The following SPAG6 variants were observed in gnomAD, a reference collection of about 807,000 sequenced individuals.
SPAG6 encodes sperm associated antigen 6, also known as sperm-associated antigen 6.
In SPAG6, 49 loss-of-function variants were observed where a neutral mutation model predicts 58.5. The ratio of observed to expected loss-of-function variants is 0.84; its 90% CI spans 0.67 to 1.06. SPAG6 has a LOEUF of 1.06. Ranked by LOEUF, SPAG6 falls within the 50% of genes least tolerant of loss-of-function variation. The pLI is 0.00. For missense variants in SPAG6, 560 were observed against 611.3 expected, an observed-to-expected ratio of 0.92 and a Z score of 0.89; for synonymous variants, 233 against 225.6, an observed-to-expected ratio of 1.03 and a Z score of -0.29.
intron 4 of SPAG6, among the ~76,000 whole-genome samples, chr10:22,378,482 G>T (rs907567973): frequency 6.7e-6 from 1 of 150,080 alleles, no homozygotes; most frequent in Admixed American, 6.7e-5. Flanking sequence ...AACTATGGTT[G>T]CAAATGCTAT....
rs758513410 is a variant in SPAG6 at position 22,386,991 on chromosome 10, G to A, written c.678+32G>A. Reference sequence around the variant, plus strand: ...CAAAATAAGGTTGAAAAATACATCAGCCTTCTTATAATGTAAGAAAATGGA... The same window carrying A: ...CAAAATAAGGTTGAAAAATACATCAACCTTCTTATAATGTAAGAAAATGGA... On this transcript the variant is annotated intron_variant, in intron 5 of 10. Coordinates refer to ENST00000376624, the MANE Select transcript of SPAG6 (RefSeq NM_012443.4). 6 of 1,521,316 alleles carry A rather than the reference G, an allele frequency of 3.9e-6. No individual in the cohort carries two copies. In the African/African-American group the frequency reaches 8.3e-5, roughly 21 times the overall value. 94.2% of individuals were successfully genotyped at this position (1,521,316 alleles called of 1,614,324 possible).
chr10:22,406,688 T>A (rs545495376), intron 9 of SPAG6, among the ~76,000 whole-genome samples: 3 of 152,200 alleles, frequency 2.0e-5, no homozygotes, highest in East Asian at 1.9e-4. Context: ...ATTCCTGGGT[T>A]TCCTTGTTTA....
intron 4 of SPAG6, among the ~76,000 whole-genome samples, chr10:22,383,964 A>G (rs916072917): frequency 2.6e-5 from 4 of 152,220 alleles, no homozygotes; most frequent in African/African-American, 9.6e-5. Context: ...GGAAGGAATT[A>G]TATCAGGATG....
intron 7 of SPAG6, among the ~76,000 whole-genome samples, chr10:22,390,380 G>GC (rs972082542): frequency 6.6e-6 from 1 of 152,104 alleles, no homozygotes; most frequent in African/African-American, 2.4e-5. Context: ...TAACCAGGGA[G>GC]CTCTCCCCTT....
At chr10:22,364,095 T>G (rs957533311) in intron 2 of SPAG6, among the ~76,000 whole-genome samples, 1 of 152,212 alleles carries the variant, frequency 6.6e-6, no homozygotes, top group African/African-American at 2.4e-5. Flanking sequence ...CAATATGTAT[T>G]TTTTAACAAT....
intron 9 of SPAG6, among the ~76,000 whole-genome samples, chr10:22,403,908 T>G (rs1171999861): frequency 6.6e-6 from 1 of 151,686 alleles, no homozygotes. Flanking sequence ...TTTTTTCATG[T>G]GTTGTTTGGC....
chr10:22,381,706 T>C (rs1349474176), intron 4 of SPAG6, among the ~76,000 whole-genome samples: 1 of 152,166 alleles, frequency 6.6e-6, no homozygotes, highest in African/African-American at 2.4e-5. Context: ...CAACCATACT[T>C]ATACTATGCT....
At chr10:22,410,241 A>T (rs1834695931) in intron 9 of SPAG6, among the ~76,000 whole-genome samples, 3 of 151,838 alleles carry the variant, frequency 2.0e-5, no homozygotes, top group Admixed American at 2.0e-4. Flanking sequence ...CATTTGTTGA[A>T]CCTCTGTTAG....
chr10:22,384,353 G>A (rs988920662), intron 4 of SPAG6, among the ~76,000 whole-genome samples: 2 of 152,148 alleles, frequency 1.3e-5, no homozygotes, highest in African/African-American at 4.8e-5. Flanking sequence ...GCTGACGATG[G>A]CTATCGGGTA....
At chr10:22,405,689 T>C (rs1834535043) in intron 9 of SPAG6, among the ~76,000 whole-genome samples, 1 of 152,026 alleles carries the variant, frequency 6.6e-6, no homozygotes, top group South Asian at 2.1e-4. Flanking sequence ...TTTCTATTGA[T>C]TGGAATAGTT....
At chr10:22,346,768 T>A (rs1836570441) in intron 2 of SPAG6, among the ~76,000 whole-genome samples, 1 of 152,220 alleles carries the variant, frequency 6.6e-6, no homozygotes, top group South Asian at 2.1e-4. Context: ...CTTCGTTTTG[T>A]CACTAGGATT....
At position 22,345,918 on chromosome 10, in the gene SPAG6, TG is replaced by T; in HGVS notation, c.121+104del. ...GTGGAGCTCTTGGGGAGCCGCAGTG[TG>T]GGGACCGGAGTTCGCAAAAGCATCC... On this transcript the variant is annotated intron_variant, in intron 2 of 10. Coordinates refer to ENST00000376624, the MANE Select transcript of SPAG6 (RefSeq NM_012443.4). This position sits in a 1 kb window ranked among gnomAD's most constrained non-coding sequence, Gnocchi z 6.3. The T allele has an allele frequency of 6.4e-7, 1 of 1,573,086 alleles. No individual in the cohort carries two copies. Among genetic ancestry groups the T allele is most frequent in the Non-Finnish European group, 8.6e-7 (1 of 1,159,602 alleles).
At chr10:22,391,138 C>T (rs894390101) in intron 7 of SPAG6, among the ~76,000 whole-genome samples, 1 of 152,010 alleles carries the variant, frequency 6.6e-6, no homozygotes, top group Non-Finnish European at 1.5e-5. Flanking sequence ...CAAAAGTAGT[C>T]GTTGTTTTGA....
In SPAG6 at chr10:22,369,158, T is replaced by A. The variant is rs546482512; in HGVS notation, c.472+480T>A. Among the ~76,000 whole-genome samples the A allele has an allele frequency of 2.0e-5, 3 of 152,228 alleles. No homozygotes were observed. In the East Asian group the frequency reaches 5.8e-4, roughly 29 times the overall value. ...GAGACATAGCACGAGTGAGTGATGT[T>A]GAGGAGATATGGACATAACTTCCTG... On this transcript the variant is annotated intron_variant, in intron 4 of 10. Coordinates refer to ENST00000376624, the MANE Select transcript of SPAG6 (RefSeq NM_012443.4).
intron 4 of SPAG6, among the ~76,000 whole-genome samples, chr10:22,370,196 G>A (rs1833651457): frequency 6.6e-6 from 1 of 152,162 alleles, no homozygotes; most frequent in South Asian, 2.1e-4. Flanking sequence ...AAAAAATCAT[G>A]TTTGTATTCC....
chr10:22,411,840 C>CTT (rs546172800), intron 10 of SPAG6, among the ~76,000 whole-genome samples: 36 of 66,786 alleles, frequency 5.4e-4, no homozygotes, highest in Non-Finnish European at 8.4e-4. Context: ...ACAACTGAAT[C>CTT]TTTTTTTTTT....
chr10:22,357,798 T>C (rs1425321509), intron 2 of SPAG6, among the ~76,000 whole-genome samples: 1 of 140,476 alleles, frequency 7.1e-6, no homozygotes, highest in Non-Finnish European at 1.5e-5. Context: ...TGTGTTCTCA[T>C]TGTTCAGTTC....
chr10:22,397,158 C>T (rs1047358603), intron 8 of SPAG6, among the ~76,000 whole-genome samples: 3 of 151,888 alleles, frequency 2.0e-5, no homozygotes, highest in Admixed American at 6.6e-5. Context: ...TTAAAACCAA[C>T]GTGTGACATG....
rs987579868 is a variant in SPAG6 at position 22,345,940 on chromosome 10, C to T, written c.121+122C>T. 6 of 1,561,680 alleles carry T rather than the reference C, an allele frequency of 3.8e-6. No homozygotes were observed. Among genetic ancestry groups the T allele is most frequent in the Non-Finnish European group, 5.2e-6 (6 of 1,153,476 alleles). On this transcript the variant is annotated intron_variant, in intron 2 of 10. Coordinates refer to ENST00000376624, the MANE Select transcript of SPAG6 (RefSeq NM_012443.4). The surrounding 1 kb of genome is among the most constrained non-coding windows in gnomAD (Gnocchi z 6.3). ...GTGTGGGGACCGGAGTTCGCAAAAG[C>T]ATCCATTCTTTTCAGCGGGTCTTTG... is the stretch of plus-strand genomic sequence containing the variant.
Sources: gnomAD v4.1 joint callset for allele counts (sites outside exome capture counted in the v4.1 genomes callset) on GRCh38, gnomAD v4.1.1 for gene constraint, Gnocchi (gnomAD v3.1) non-coding constraint, MANE v1.5 for transcripts, NCBI Gene and HGNC (gene_info 2026-07-23, HGNC 2026-07-21) for gene names.